The following PALM2AKAP2 variants were observed in gnomAD, a reference collection of about 807,000 sequenced individuals.
The protein encoded by PALM2AKAP2 is PALM2-AKAP2 fusion protein.
Under a neutral mutation model 71.5 loss-of-function variants are expected in PALM2AKAP2, and 37 were observed. That is an observed-to-expected ratio of 0.52 (90% CI 0.40 to 0.68). PALM2AKAP2 has a LOEUF of 0.68. Among genes scored for constraint, PALM2AKAP2 ranks in the 30% least tolerant of loss-of-function variants. The pLI is 0.00. For missense variants in PALM2AKAP2, 1,224 were observed against 1,191.8 expected, an observed-to-expected ratio of 1.03 and a Z score of -0.40; for synonymous variants, 468 against 478.8, an observed-to-expected ratio of 0.98 and a Z score of 0.29.
At chr9:109,811,633 A>G (rs1421184134) in intron 1 of PALM2AKAP2, among the ~76,000 whole-genome samples, 1 of 152,160 alleles carries the variant, frequency 6.6e-6, no homozygotes, top group Non-Finnish European at 1.5e-5. Context: ...ATGCAGTACC[A>G]TGATCATAGC....
chr9:109,962,922 G>C (rs1016914433), intron 6 of PALM2AKAP2, among the ~76,000 whole-genome samples: 1 of 152,204 alleles, frequency 6.6e-6, no homozygotes, highest in African/African-American at 2.4e-5. Context: ...TTTTAACATA[G>C]ATTATCTTAT....
chr9:109,778,538 A>G (rs1829380597), upstream of PALM2AKAP2, among the ~76,000 whole-genome samples: 2 of 152,206 alleles, frequency 1.3e-5, no homozygotes, highest in South Asian at 4.1e-4. Flanking sequence ...TGGGATGTAG[A>G]ATCTGGCACT....
At chr9:110,018,969 T>C (rs58096562) in intron 7 of PALM2AKAP2, among the ~76,000 whole-genome samples, 16,965 of 151,998 alleles carry the variant, frequency 0.11, 1,021 homozygotes, top group African/African-American at 0.17. Context: ...CGACTGGGCA[T>C]GGTGGCTCAC....
chr9:109,955,319 G>T (rs986896432), intron 6 of PALM2AKAP2, among the ~76,000 whole-genome samples: 2 of 152,182 alleles, frequency 1.3e-5, no homozygotes, highest in African/African-American at 2.4e-5. Flanking sequence ...AGAATCTAGT[G>T]CTTTTGCTAC....
intron 1 of PALM2AKAP2, among the ~76,000 whole-genome samples, chr9:109,688,334 A>G (rs576126317): frequency 6.6e-6 from 1 of 152,352 alleles, no homozygotes; most frequent in Non-Finnish European, 1.5e-5. Flanking sequence ...CAAATGAACA[A>G]TAAATCATTT....
At chr9:110,017,290 G>T (rs1832999464) in intron 7 of PALM2AKAP2, among the ~76,000 whole-genome samples, 1 of 152,180 alleles carries the variant, frequency 6.6e-6, no homozygotes, top group Non-Finnish European at 1.5e-5. Flanking sequence ...TGTTACAAAT[G>T]GTAGAGAAAG....
At chr9:109,867,454 C>A (rs1564187624) in intron 1 of PALM2AKAP2, 37 bp from the exon 2 acceptor site, 13 of 1,607,154 alleles carry the variant, frequency 8.1e-6, no homozygotes, top group Non-Finnish European at 1.1e-5. Context: ...AGCCAACACC[C>A]ACCCACTCTT....
At chr9:109,816,398 A>G (rs1827854015) in intron 1 of PALM2AKAP2, among the ~76,000 whole-genome samples, 1 of 152,212 alleles carries the variant, frequency 6.6e-6, no homozygotes, top group Admixed American at 6.5e-5. Flanking sequence ...GATAAGATAG[A>G]GGAAGCTGGA....
At chr9:109,962,360 T>C (rs941620229) in intron 6 of PALM2AKAP2, among the ~76,000 whole-genome samples, 1 of 152,214 alleles carries the variant, frequency 6.6e-6, no homozygotes, top group African/African-American at 2.4e-5. Flanking sequence ...GATCAGCAAC[T>C]ATGGCCTTTG....
intron 1 of PALM2AKAP2, among the ~76,000 whole-genome samples, chr9:109,847,423 C>A (rs1687280855): frequency 6.6e-6 from 1 of 152,120 alleles, no homozygotes; most frequent in African/African-American, 2.4e-5. Flanking sequence ...GGACTTCTGG[C>A]CTCCAGAACT....
At chr9:109,845,039 T>A (rs748366775) in intron 1 of PALM2AKAP2, among the ~76,000 whole-genome samples, 9 of 151,962 alleles carry the variant, frequency 5.9e-5, no homozygotes, top group Non-Finnish European at 1.2e-4. Flanking sequence ...CAGTGTAGCA[T>A]CCAGAATAAA....
chr9:109,837,201 A>G (rs1304792091), intron 1 of PALM2AKAP2, among the ~76,000 whole-genome samples: 1 of 152,248 alleles, frequency 6.6e-6, no homozygotes, highest in South Asian at 2.1e-4. Context: ...TCTACAAGCC[A>G]GAAGAGAGTG....
chr9:110,158,498 TCTCA>T, intron 3 of PALM2AKAP2, among the ~76,000 whole-genome samples: 1 of 152,296 alleles, frequency 6.6e-6, no homozygotes, highest in Non-Finnish European at 1.5e-5. Flanking sequence ...TAGAGGCAGT[TCTCA>T]CTCATTTCGT....
chr9:109,737,703 A>C (rs1828658124), intron 1 of PALM2AKAP2, among the ~76,000 whole-genome samples: 1 of 152,242 alleles, frequency 6.6e-6, no homozygotes, highest in South Asian at 2.1e-4. Flanking sequence ...TAGTTAGCAC[A>C]CAGTCAATTA....
At chr9:109,710,654 G>A (rs1026458805) in intron 1 of PALM2AKAP2, among the ~76,000 whole-genome samples, 1 of 152,168 alleles carries the variant, frequency 6.6e-6, no homozygotes, top group Non-Finnish European at 1.5e-5. Context: ...GGATGACAGA[G>A]TACAGTGCTT....
intron 7 of PALM2AKAP2, among the ~76,000 whole-genome samples, chr9:110,041,960 TAAC>T: frequency 6.6e-6 from 1 of 152,334 alleles, no homozygotes. Flanking sequence ...AACTAATTTA[TAAC>T]ATCTTAAAAG....
At chr9:109,793,618 A>G (rs940817618) in intron 1 of PALM2AKAP2, among the ~76,000 whole-genome samples, 1 of 152,226 alleles carries the variant, frequency 6.6e-6, no homozygotes, top group African/African-American at 2.4e-5. Context: ...TTGATTTTAG[A>G]TAGCAGCTTC....
chr9:109,919,329 C>A (rs930248752), intron 3 of PALM2AKAP2, among the ~76,000 whole-genome samples: 10 of 151,784 alleles, frequency 6.6e-5, no homozygotes, highest in Non-Finnish European at 1.3e-4. Flanking sequence ...CAGAAAGCCT[C>A]AGGAGGTATT....
At chr9:109,989,907 G>A (rs776927325) in intron 6 of PALM2AKAP2, among the ~76,000 whole-genome samples, 7 of 152,100 alleles carry the variant, frequency 4.6e-5, no homozygotes, top group Non-Finnish European at 8.8e-5. Flanking sequence ...GAACTTCCAC[G>A]TCAGTTAAGG....
Sources: gnomAD v4.1 joint callset for allele counts (sites outside exome capture counted in the v4.1 genomes callset) on GRCh38, gnomAD v4.1.1 for gene constraint, MANE v1.5 for transcripts, NCBI Gene and HGNC (gene_info 2026-07-23, HGNC 2026-07-21) for gene names.